RFX3: variants seen among roughly 807,000 people sequenced by gnomAD.
The protein encoded by RFX3 is transcription factor RFX3.
RFX3 carries 14 observed loss-of-function variants against 98.6 expected under a neutral mutation model. The ratio of observed to expected loss-of-function variants is 0.14; its 90% CI spans 0.09 to 0.22. RFX3 has a LOEUF of 0.22. Among genes scored for constraint, RFX3 ranks in the 10% least tolerant of loss-of-function variants. The probability of loss-of-function intolerance (pLI) is 1.00; values close to 1 mark genes in which losing one functional copy is unlikely to be tolerated. For synonymous variants in RFX3, 383 were observed against 328.4 expected, an observed-to-expected ratio of 1.17 and a Z score of -1.80; for missense variants, 639 against 926.9, an observed-to-expected ratio of 0.69 and a Z score of 4.03.
intron 1 of RFX3, among the ~76,000 whole-genome samples, chr9:3,484,629 TG>T (rs939184410): frequency 6.6e-6 from 1 of 152,242 alleles, no homozygotes; most frequent in African/African-American, 2.4e-5. Flanking sequence ...ACTTCACATG[TG>T]GTTTTCTACT....
chr9:3,467,776 G>C (rs10972158), intron 1 of RFX3, among the ~76,000 whole-genome samples: 5 of 152,164 alleles, frequency 3.3e-5, no homozygotes, highest in South Asian at 2.1e-4. Context: ...ATGGCCAGTA[G>C]AGGCTGCCAG....
At chr9:3,388,841 C>A (rs1384037409) in intron 2 of RFX3, among the ~76,000 whole-genome samples, 1 of 152,100 alleles carries the variant, frequency 6.6e-6, no homozygotes, top group Non-Finnish European at 1.5e-5. Context: ...CAGGGCTCCA[C>A]TATACCTCAT....
chr9:3,283,262 C>A (rs1826144231), intron 7 of RFX3, among the ~76,000 whole-genome samples: 1 of 151,752 alleles, frequency 6.6e-6, no homozygotes, highest in South Asian at 2.1e-4. Context: ...AGATATTTTT[C>A]TGTAGTGCTC....
At chr9:3,403,045 C>T (rs975487903) in intron 1 of RFX3, among the ~76,000 whole-genome samples, 2 of 152,028 alleles carry the variant, frequency 1.3e-5, no homozygotes, top group Admixed American at 6.6e-5. Context: ...TGTTTAGTCA[C>T]GTACTACATT....
chr9:3,248,596 G>A (rs1057009990), intron 14 of RFX3, among the ~76,000 whole-genome samples: 11 of 152,256 alleles, frequency 7.2e-5, no homozygotes, highest in East Asian at 5.8e-4. Context: ...CAGTGATAAC[G>A]ATCTCTGGGG....
chr9:3,519,504 G>A (rs948439768), intron 1 of RFX3, among the ~76,000 whole-genome samples: 17 of 152,138 alleles, frequency 1.1e-4, no homozygotes, highest in African/African-American at 3.1e-4. Flanking sequence ...AAGCCAACGC[G>A]TATTGAACAC....
intron 16 of RFX3, among the ~76,000 whole-genome samples, chr9:3,225,717 A>G (rs561912074): frequency 1.3e-4 from 20 of 152,316 alleles, no homozygotes; most frequent in African/African-American, 4.8e-4. Flanking sequence ...TATAAATTTT[A>G]TCTATGCTAG....
At position 3,330,365 on chromosome 9, in the gene RFX3, G is replaced by A. The variant is rs753099868; in HGVS notation, c.368C>T (p.Thr123Ile). ...VGTGGIQMGV[T>I]GGQLISSSGG... ...AGAGCTGCTGATGAGTTGTCCTCCT[G>A]TGACGCCCATCTGAATCCCACCAGT... The change falls in exon 4 of 17, where the codon ACA becomes ATA. Residue 123 changes from threonine to isoleucine, a missense_variant. Transcript: ENST00000617270. 3.7e-6 allele frequency: 6 copies of A among 1,614,016 alleles called. No individual in the cohort carries two copies. The highest frequency in any genetic ancestry group is 4.2e-6 in the Non-Finnish European group (5 of 1,180,036).
At chr9:3,311,343 C>T (rs950856909) in intron 4 of RFX3, among the ~76,000 whole-genome samples, 9 of 152,076 alleles carry the variant, frequency 5.9e-5, no homozygotes, top group African/African-American at 2.2e-4. Flanking sequence ...TACTTGGAGA[C>T]TTATGTTTAG....
At chr9:3,294,044 A>G (rs1192773367) in intron 5 of RFX3, among the ~76,000 whole-genome samples, 1 of 152,200 alleles carries the variant, frequency 6.6e-6, no homozygotes, top group Non-Finnish European at 1.5e-5. Flanking sequence ...TGTGTACATT[A>G]CAAAAAAATC....
chr9:3,452,709 C>A (rs1033445550), intron 1 of RFX3, among the ~76,000 whole-genome samples: 1 of 152,182 alleles, frequency 6.6e-6, no homozygotes, highest in Non-Finnish European at 1.5e-5. Context: ...TATAGACACT[C>A]TGGCTATCTG....
chr9:3,437,588 G>C (rs1437279036), intron 1 of RFX3, among the ~76,000 whole-genome samples: 1 of 152,088 alleles, frequency 6.6e-6, no homozygotes, highest in Non-Finnish European at 1.5e-5. Flanking sequence ...TTTTTCTTCA[G>C]TACTAGGCCA....
intron 15 of RFX3, among the ~76,000 whole-genome samples, chr9:3,246,593 A>G (rs544874896): frequency 1.3e-5 from 2 of 152,362 alleles, no homozygotes; most frequent in East Asian, 1.9e-4. Flanking sequence ...GGCAAGGTCC[A>G]TTTCTGAAGT....
chr9:3,525,617 C>G (rs1819208455), intron 1 of RFX3, 130 bp downstream of exon 1: 1 of 153,502 alleles, frequency 6.5e-6, no homozygotes, highest in Non-Finnish European at 1.4e-5. Context: ...AGCGGCAGCC[C>G]CCGTGTCAGG....
chr9:3,346,151 A>C (rs1358421591), intron 3 of RFX3, among the ~76,000 whole-genome samples: 2 of 152,230 alleles, frequency 1.3e-5, no homozygotes, highest in Non-Finnish European at 2.9e-5. Flanking sequence ...TTGTTGATGC[A>C]AAAGAGATAA....
intron 4 of RFX3, among the ~76,000 whole-genome samples, chr9:3,302,818 G>C (rs763832558): frequency 9.2e-5 from 14 of 151,762 alleles, no homozygotes; most frequent in Admixed American, 4.6e-4. Context: ...AAAATACTCA[G>C]TATCAATTAT....
At chr9:3,272,066 C>T (rs1477342885) in intron 9 of RFX3, among the ~76,000 whole-genome samples, 1 of 151,898 alleles carries the variant, frequency 6.6e-6, no homozygotes, top group East Asian at 1.9e-4. Flanking sequence ...TACCACTTTC[C>T]GTTAACTGTC....
At chr9:3,252,165 G>A (rs1488206177) in intron 14 of RFX3, among the ~76,000 whole-genome samples, 1 of 152,176 alleles carries the variant, frequency 6.6e-6, no homozygotes, top group Non-Finnish European at 1.5e-5. Flanking sequence ...TTCATAACAA[G>A]TAGTTTCTGA....
chr9:3,429,736 T>A (rs1587649792), intron 1 of RFX3, among the ~76,000 whole-genome samples: 1 of 152,192 alleles, frequency 6.6e-6, no homozygotes, highest in South Asian at 2.1e-4. Context: ...GCTACACATC[T>A]CCATGCCCTC....
Sources: gnomAD v4.1 joint callset for allele counts (sites outside exome capture counted in the v4.1 genomes callset) on GRCh38, gnomAD v4.1.1 for gene constraint, MANE v1.5 for transcripts, NCBI Gene and HGNC (gene_info 2026-07-23, HGNC 2026-07-21) for gene names.